Variants in MAP2K4 observed in about 807,000 individuals in gnomAD.
The protein encoded by MAP2K4 is dual specificity mitogen-activated protein kinase kinase 4.
A neutral mutation model predicts 48.5 loss-of-function variants in MAP2K4; 4 were observed. The ratio of observed to expected loss-of-function variants is 0.08; its 90% CI spans 0.04 to 0.19. The LOEUF is 0.19. MAP2K4 is among the 10% of genes least tolerant of loss of function. The pLI, the probability that MAP2K4 is intolerant of heterozygous loss-of-function variation, is 1.00. For missense variants in MAP2K4, 258 were observed against 493.3 expected, an observed-to-expected ratio of 0.52 and a Z score of 4.52; for synonymous variants, 166 against 173.1, an observed-to-expected ratio of 0.96 and a Z score of 0.32.
At chr17:12,084,702 G>A (rs1489017811) in intron 3 of MAP2K4, among the ~76,000 whole-genome samples, 1 of 152,102 alleles carries the variant, frequency 6.6e-6, no homozygotes. Flanking sequence ...GGGAGAGGAT[G>A]GCAATACAAC....
intron 7 of MAP2K4, among the ~76,000 whole-genome samples, chr17:12,121,035 A>G (rs941539239): frequency 1.3e-5 from 2 of 152,312 alleles, no homozygotes; most frequent in Middle Eastern, 3.4e-3. Flanking sequence ...ATTGCCTATT[A>G]ATAGCATGTA....
At chr17:12,125,145 AT>A in intron 7 of MAP2K4, 148 bp from the exon 8 acceptor site, 1 of 620,624 alleles carries the variant, frequency 1.6e-6, no homozygotes, top group Middle Eastern at 3.0e-4. Flanking sequence ...TATGATAATG[AT>A]GACTTCCTAT....
At chr17:12,032,389 A>T in intron 1 of MAP2K4, 1 of 522,306 alleles carries the variant, frequency 1.9e-6, no homozygotes, top group Non-Finnish European at 3.0e-6. Context: ...TCAGCTAACC[A>T]GCCATGGCAA....
chr17:12,107,828 G>A lies in MAP2K4; in HGVS notation c.552G>A (p.Ser184=), dbSNP rs772644297. Residue 184 remains serine, a synonymous_variant, in exon 5 of 11, where the codon TCG becomes TCA. Coordinates refer to ENST00000353533, the MANE Select transcript of MAP2K4 (RefSeq NM_003010.4). ...CWICMELMST[S]FDKFYKYVYS... ...TCTGTATGGAACTCATGTCTACCTCGTTTGATAAGTTTTACAAATATGTAT... is the reference window on the plus strand; with the variant it reads ...TCTGTATGGAACTCATGTCTACCTCATTTGATAAGTTTTACAAATATGTAT... 21 of 1,605,042 alleles carry A rather than the reference G, an allele frequency of 1.3e-5. No individual in the cohort carries two copies. The highest frequency in any genetic ancestry group is 2.2e-5 in the East Asian group (1 of 44,522).
At chr17:12,113,988 T>C (rs1307827129) in intron 7 of MAP2K4, among the ~76,000 whole-genome samples, 1 of 152,204 alleles carries the variant, frequency 6.6e-6, no homozygotes, top group Non-Finnish European at 1.5e-5. Context: ...TTTCAGACAT[T>C]TCCCTAGGTG....
chr17:12,094,312 G>A (rs550795536), intron 3 of MAP2K4, among the ~76,000 whole-genome samples: 2 of 152,270 alleles, frequency 1.3e-5, no homozygotes, highest in African/African-American at 4.8e-5. Context: ...AAAATGAAAC[G>A]GAGAGAACCT....
intron 3 of MAP2K4, among the ~76,000 whole-genome samples, chr17:12,086,239 C>T (rs1240825067): frequency 2.0e-5 from 3 of 152,160 alleles, no homozygotes; most frequent in Non-Finnish European, 4.4e-5. Context: ...TCGGTCAGAT[C>T]ATGTGACTTA....
intron 2 of MAP2K4, among the ~76,000 whole-genome samples, chr17:12,060,895 T>G (rs1319373656): frequency 2.0e-5 from 3 of 152,160 alleles, no homozygotes; most frequent in African/African-American, 7.2e-5. Context: ...TGTTGTACAT[T>G]TGTCACCATC....
At chr17:12,039,395 G>A (rs1282975734) in intron 1 of MAP2K4, among the ~76,000 whole-genome samples, 1 of 152,180 alleles carries the variant, frequency 6.6e-6, no homozygotes, top group Non-Finnish European at 1.5e-5. Flanking sequence ...ACTTTTAATA[G>A]TAGAAAATTT....
intron 7 of MAP2K4, chr17:12,124,517 T>C (rs963078839): frequency 6.6e-6 from 1 of 152,214 alleles, no homozygotes. Flanking sequence ...GGAATAATTG[T>C]GATAAATTTA....
intron 1 of MAP2K4, among the ~76,000 whole-genome samples, chr17:12,053,338 A>G (rs1179849405): frequency 6.6e-6 from 1 of 152,066 alleles, no homozygotes; most frequent in Admixed American, 6.6e-5. Flanking sequence ...CATATGAACA[A>G]AAGCTTAAAA....
At chr17:12,126,209 C>T (rs1298938679) in intron 8 of MAP2K4, among the ~76,000 whole-genome samples, 1 of 151,944 alleles carries the variant, frequency 6.6e-6, no homozygotes, top group Non-Finnish European at 1.5e-5. Flanking sequence ...ACAAGAACTA[C>T]CTAGGTGATA....
Position 12,142,724 on chromosome 17 carries a change from A to T in MAP2K4, c.*1464A>T, listed in dbSNP as rs2151600652. The T allele has an allele frequency of 8.6e-6, 2 of 233,090 alleles. No homozygotes were observed. The highest frequency in any genetic ancestry group is 3.6e-4 in the South Asian group (2 of 5,526). The allele number at this position is 233,090 out of a possible 1,614,324, so 14.4% of individuals were successfully genotyped here. A position where few individuals can be genotyped will look rare whatever the true frequency, so the allele number is the denominator to read the frequency against. On this transcript the variant is annotated 3_prime_UTR_variant, in exon 11 of 11. Transcript: ENST00000353533. The stretch of plus-strand genomic sequence containing the variant: ...GCAAAACAAAACCCTCAGCACTGTT[A>T]CAAGAGGCCATTTAAGTATCTTGTG...
At chr17:12,106,686 A>G (rs28923210) in intron 4 of MAP2K4, among the ~76,000 whole-genome samples, 2,498 of 152,172 alleles carry the variant, frequency 0.016, 109 homozygotes, top group Admixed American at 0.095. Context: ...AACATACAGA[A>G]CTGTATAATT....
chr17:12,089,501 T>C (rs1971492588), intron 3 of MAP2K4, among the ~76,000 whole-genome samples: 1 of 152,248 alleles, frequency 6.6e-6, no homozygotes, highest in African/African-American at 2.4e-5. Context: ...TGATTTCCTC[T>C]AATGATTGAA....
rs114740547 is a variant in MAP2K4, at chr17:12,131,289, A to G, written c.1040+2002A>G. 6.6e-3 allele frequency among the ~76,000 whole-genome samples: 957 copies of G among 143,964 alleles called. 14 individuals are homozygous for G. The highest frequency in any genetic ancestry group is 0.024 in the African/African-American group (905 of 38,350). The allele number at this position is 143,964 out of a possible 152,430, so 94.4% of individuals were successfully genotyped here. A position where few individuals can be genotyped will look rare whatever the true frequency, so the allele number is the denominator to read the frequency against. ...TTTGGAGATGGAGTCTCAGTTGCCC[A>G]GGCTGGAGTGTAATGATGTGGTCGC... On this transcript the variant is annotated intron_variant, in intron 9 of 10. Transcript: ENST00000353533.
In MAP2K4 at chr17:12,081,006, A is replaced by G. The variant is rs1340486041; in HGVS notation, c.219-350A>G. Reference sequence around the variant, plus strand: ...CAGCTCTTGGGATTCTCACTTGATAATGCTGTTTGGATAAACCATCATCCA... The same window carrying G: ...CAGCTCTTGGGATTCTCACTTGATAGTGCTGTTTGGATAAACCATCATCCA... On this transcript the variant is annotated intron_variant, in intron 2 of 10. Coordinates refer to ENST00000353533, the MANE Select transcript of MAP2K4 (RefSeq NM_003010.4). The surrounding 1 kb of genome is among the most constrained non-coding windows in gnomAD (Gnocchi z 4.2). Among the ~76,000 whole-genome samples the G allele has an allele frequency of 2.0e-5, 3 of 152,230 alleles. No individual in the cohort carries two copies. The highest frequency in any genetic ancestry group is 7.2e-5 in the African/African-American group (3 of 41,458).
chr17:12,051,996 C>G (rs1477325931), intron 1 of MAP2K4, among the ~76,000 whole-genome samples: 2 of 151,624 alleles, frequency 1.3e-5, no homozygotes, highest in African/African-American at 4.8e-5. Context: ...AGCTATTTTT[C>G]TACTTTTCTT....
rs972335238 is a variant in MAP2K4 at position 12,098,750 on chromosome 17, G to A, written c.513+3056G>A. Among the ~76,000 whole-genome samples, 4 of 151,912 alleles carry A rather than the reference G, an allele frequency of 2.6e-5. No homozygotes were observed. In the East Asian group the frequency reaches 7.7e-4, roughly 29 times the overall value. On this transcript the variant is annotated intron_variant, in intron 4 of 10. Transcript: ENST00000353533. ...GAGAGAGACAGTGCTTTCAATTCCT[G>A]TTACTGTGAGACACCCTCCAGGGAT... is the stretch of plus-strand genomic sequence containing the variant.
Sources: allele counts gnomAD v4.1 joint callset (sites outside exome capture counted in the v4.1 genomes callset), GRCh38; gene constraint gnomAD v4.1.1; non-coding constraint Gnocchi (gnomAD v3.1); transcripts MANE v1.5; gene names NCBI Gene and HGNC (gene_info 2026-07-23, HGNC 2026-07-21).